Variants in CCDC170 observed in about 807,000 individuals in gnomAD.
CCDC170 encodes the protein coiled-coil domain containing 170.
CCDC170 carries 69 observed loss-of-function variants against 72.6 expected under a neutral mutation model. The ratio of observed to expected loss-of-function variants is 0.95; its 90% CI spans 0.78 to 1.16. The LOEUF is 1.16. CCDC170 is among the 50% of genes most tolerant of loss of function. The pLI, the probability that CCDC170 is intolerant of heterozygous loss-of-function variation, is 0.00. For synonymous variants in CCDC170, 300 were observed against 303.9 expected (o/e 0.99, Z 0.13); for missense variants, 852 against 832.5 (o/e 1.02, Z -0.29).
chr6:151,559,012 CTTT>C (rs201171602), intron 5 of CCDC170, among the ~76,000 whole-genome samples: 29 of 125,690 alleles, frequency 2.3e-4, no homozygotes, highest in Admixed American at 7.9e-4. Flanking sequence ...ATTAATTTAT[CTTT>C]TTTTTTTTTT....
intron 5 of CCDC170, among the ~76,000 whole-genome samples, chr6:151,552,232 C>T (rs1316068876): frequency 6.6e-6 from 1 of 152,092 alleles, no homozygotes; most frequent in African/African-American, 2.4e-5. Flanking sequence ...ACATTGCATT[C>T]TATTAGAAGG....
At chr6:151,561,505 A>AT (rs920729561) in intron 5 of CCDC170, among the ~76,000 whole-genome samples, 7 of 151,836 alleles carry the variant, frequency 4.6e-5, no homozygotes, top group African/African-American at 1.7e-4. Flanking sequence ...TTGGCTGGCA[A>AT]TTTTTTTCTT....
intron 5 of CCDC170, among the ~76,000 whole-genome samples, chr6:151,552,813 A>C (rs1782904812): frequency 1.8e-5 from 2 of 112,030 alleles, no homozygotes; most frequent in Admixed American, 2.3e-4. Context: ...TTTTTGAGAC[A>C]GAGTCTTTCT....
intron 1 of CCDC170, among the ~76,000 whole-genome samples, chr6:151,519,478 C>A (rs2115032238): frequency 6.6e-6 from 1 of 152,264 alleles, no homozygotes; most frequent in African/African-American, 2.4e-5. Flanking sequence ...GTTTTACAAT[C>A]AATTTGTACA....
chr6:151,526,097 T>C (rs1583009811), intron 1 of CCDC170, among the ~76,000 whole-genome samples: 1 of 120,190 alleles, frequency 8.3e-6, no homozygotes, highest in African/African-American at 3.1e-5. Context: ...CCTTCCTTTC[T>C]TCCTTCCTTC....
At chr6:151,599,859 G>T (rs1262600386) in intron 9 of CCDC170, among the ~76,000 whole-genome samples, 1 of 152,198 alleles carries the variant, frequency 6.6e-6, no homozygotes, top group African/African-American at 2.4e-5. Context: ...CAAAGACAGT[G>T]CAATACCCTT....
rs1408562876 is a variant in CCDC170 at position 151,596,335 on chromosome 6, CT to C, written c.1469del (p.Leu490GlnfsTer15). On this transcript the variant is annotated frameshift_variant and splice_region_variant, in exon 9 of 11. Transcript: ENST00000239374. LOFTEE classifies it high-confidence loss of function. ...AAAATCCCTGTTTGCATCAAACCAG[CT>C]AAAGACACAGAAAGAGAGACTGGAG... is the stretch of plus-strand genomic sequence containing the variant. ...KTIAHNLQRK[L>X]KTQKERLESK... The C allele has an allele frequency of 6.2e-7, 1 of 1,603,896 alleles. No individual in the cohort carries two copies. Among genetic ancestry groups the C allele is most frequent in the East Asian group, 2.2e-5 (1 of 44,798 alleles).
intron 1 of CCDC170, among the ~76,000 whole-genome samples, chr6:151,509,091 G>C (rs1782105890): frequency 6.6e-6 from 1 of 151,412 alleles, no homozygotes; most frequent in Non-Finnish European, 1.5e-5. Context: ...AATTTATCAA[G>C]TGTCTAATAA....
chr6:151,591,392 C>T (rs1004596405), intron 7 of CCDC170, among the ~76,000 whole-genome samples: 1 of 152,102 alleles, frequency 6.6e-6, no homozygotes, highest in East Asian at 1.9e-4. Context: ...CAGAGGAAAA[C>T]CTTTAAATAG....
At chr6:151,508,844 C>T (rs1273224584) in intron 1 of CCDC170, among the ~76,000 whole-genome samples, 2 of 151,118 alleles carry the variant, frequency 1.3e-5, no homozygotes, top group Admixed American at 6.6e-5. Context: ...GGAGCAATCC[C>T]GTCTCTACTG....
intron 4 of CCDC170, 76 bp downstream of exon 4, chr6:151,544,792 T>A: frequency 6.7e-7 from 1 of 1,485,048 alleles, no homozygotes; most frequent in South Asian, 1.3e-5. Flanking sequence ...AGTGCTGTGG[T>A]TGAGTTTGGG....
chr6:151,507,648 C>T (rs573670049), intron 1 of CCDC170, among the ~76,000 whole-genome samples: 1 of 152,020 alleles, frequency 6.6e-6, no homozygotes, highest in Non-Finnish European at 1.5e-5. Flanking sequence ...ATTGGCCAGG[C>T]GCAGTGGCTC....
chr6:151,589,325 G>C (rs1455570660), intron 7 of CCDC170, among the ~76,000 whole-genome samples: 1 of 152,080 alleles, frequency 6.6e-6, no homozygotes, highest in African/African-American at 2.4e-5. Flanking sequence ...TTGCACCTGA[G>C]TATGGTAATG....
chr6:151,534,119 C>G (rs1266199362), intron 1 of CCDC170, among the ~76,000 whole-genome samples: 1 of 148,254 alleles, frequency 6.7e-6, no homozygotes, highest in Non-Finnish European at 1.5e-5. Flanking sequence ...GGTTGGAGTG[C>G]AGTGGTGCGA....
intron 5 of CCDC170, among the ~76,000 whole-genome samples, chr6:151,553,175 A>G (rs1299420112): frequency 2.6e-5 from 4 of 152,324 alleles, no homozygotes; most frequent in Middle Eastern, 3.4e-3. Flanking sequence ...ATGCTCATTT[A>G]TTGAATACTT....
intron 6 of CCDC170, among the ~76,000 whole-genome samples, chr6:151,579,423 C>T (rs1028170597): frequency 4.6e-5 from 7 of 152,172 alleles, no homozygotes; most frequent in East Asian, 1.9e-4. Flanking sequence ...TCTGAAGCTA[C>T]GTTCTGTGAT....
intron 1 of CCDC170, among the ~76,000 whole-genome samples, chr6:151,522,745 A>G (rs1782341812): frequency 6.6e-6 from 1 of 152,182 alleles, no homozygotes; most frequent in Non-Finnish European, 1.5e-5. Flanking sequence ...AGAAAATGTT[A>G]TATTCGAGTG....
At chr6:151,573,918 A>G (rs901921687) in intron 6 of CCDC170, among the ~76,000 whole-genome samples, 6 of 152,200 alleles carry the variant, frequency 3.9e-5, no homozygotes, top group Non-Finnish European at 5.9e-5. Flanking sequence ...ACACAGCCAA[A>G]CCATATCAGT....
intron 9 of CCDC170, among the ~76,000 whole-genome samples, chr6:151,614,253 C>T (rs1463010057): frequency 6.6e-6 from 1 of 152,114 alleles, no homozygotes; most frequent in Non-Finnish European, 1.5e-5. Context: ...AACTTTGTGC[C>T]CATCAGACAA....
Sources: allele counts gnomAD v4.1 joint callset (sites outside exome capture counted in the v4.1 genomes callset), GRCh38; gene constraint gnomAD v4.1.1; transcripts MANE v1.5; gene names NCBI Gene and HGNC (gene_info 2026-07-23, HGNC 2026-07-21).